Variants in INVS observed in about 807,000 individuals in gnomAD.
INVS encodes the protein inversion of embryo turning homolog.
A neutral mutation model predicts 108.8 loss-of-function variants in INVS; 86 were observed. The observed-to-expected ratio is 0.79, with a 90% confidence interval of 0.66 to 0.95. The LOEUF is 0.95. INVS is among the 40% of genes least tolerant of loss of function. The probability of loss-of-function intolerance (pLI) is 0.00; values close to 1 mark genes in which losing one functional copy is unlikely to be tolerated. For synonymous variants in INVS, 455 were observed against 473.5 expected (o/e 0.96, Z 0.51); for missense variants, 1,169 against 1,297.4 (o/e 0.90, Z 1.52).
chr9:100,124,675 G>A (rs556453304), intron 2 of INVS, among the ~76,000 whole-genome samples: 24 of 152,012 alleles, frequency 1.6e-4, no homozygotes, highest in Non-Finnish European at 2.5e-4. Context: ...GGTTGTTGGA[G>A]CACTTTTTTG....
At chr9:100,221,169 T>G (rs1831135878) in intron 3 of INVS, among the ~76,000 whole-genome samples, 2 of 152,132 alleles carry the variant, frequency 1.3e-5, no homozygotes, top group African/African-American at 4.8e-5. Flanking sequence ...CTTCAGAGGG[T>G]TGTCAAATTA....
intron 3 of INVS, chr9:100,175,329 G>T (rs982829868): frequency 4.1e-6 from 3 of 733,988 alleles, no homozygotes; most frequent in Non-Finnish European, 7.6e-6. Context: ...ACAGAGTCTG[G>T]ACAGCTCTAA....
intron 13 of INVS, among the ~76,000 whole-genome samples, chr9:100,291,842 TA>T (rs1833625804): frequency 1.3e-5 from 2 of 152,176 alleles, no homozygotes; most frequent in Non-Finnish European, 2.9e-5. Flanking sequence ...TTCCAAAAGG[TA>T]TATCCCTTCA....
chr9:100,273,129 G>C, intron 12 of INVS, 53 bp downstream of exon 12: 3 of 1,364,120 alleles, frequency 2.2e-6, no homozygotes, highest in Non-Finnish European at 3.1e-6. Flanking sequence ...CAGGGTGGAA[G>C]TGGGGGTGTG....
At position 100,212,745 on chromosome 9, in the gene INVS, C is replaced by T. The variant is rs138196149; in HGVS notation, c.274-13317C>T. ...CTATTGTGGGTTGCTGTAATAACCCCCTTACTGCTCTGCTTGCCTAAAGAT... is the reference window on the plus strand; with the variant it reads ...CTATTGTGGGTTGCTGTAATAACCCTCTTACTGCTCTGCTTGCCTAAAGAT... On this transcript the variant is annotated intron_variant, in intron 3 of 16. Transcript: ENST00000262457. Among the ~76,000 whole-genome samples, 958 of 152,208 alleles carry T rather than the reference C, an allele frequency of 6.3e-3. 9 individuals are homozygous for T. The highest frequency in any genetic ancestry group is 0.022 in the African/African-American group (897 of 41,528).
intron 2 of INVS, among the ~76,000 whole-genome samples, chr9:100,119,398 AAAC>A (rs1827653649): frequency 6.6e-6 from 1 of 152,248 alleles, no homozygotes; most frequent in Non-Finnish European, 1.5e-5. Context: ...CTTAGCTTAC[AAAC>A]AACAAACATT....
chr9:100,191,658 C>A lies in INVS; in HGVS notation c.274-34404C>A, dbSNP rs780762806. Among the ~76,000 whole-genome samples, 6 of 152,018 alleles carry A rather than the reference C, an allele frequency of 3.9e-5. No individual in the cohort carries two copies. In the East Asian group the frequency reaches 5.8e-4, roughly 15 times the overall value. The stretch of plus-strand genomic sequence containing the variant: ...CTCCTTGAGTAGCTTAACAATCAAC[C>A]TTTTGGGTTCTTTATCTGGTATTTC... On this transcript the variant is annotated intron_variant, in intron 3 of 16. Transcript: ENST00000262457.
At chr9:100,267,019 T>TAAAAAAAA (rs11415703) in intron 11 of INVS, among the ~76,000 whole-genome samples, 5 of 93,132 alleles carry the variant, frequency 5.4e-5, no homozygotes, top group East Asian at 3.7e-4. Context: ...TTTGAAACTC[T>TAAAAAAAA]AAAAAAAAAA....
intron 3 of INVS, among the ~76,000 whole-genome samples, chr9:100,177,584 T>C (rs1829757863): frequency 1.3e-5 from 2 of 152,114 alleles, no homozygotes; most frequent in African/African-American, 4.8e-5. Flanking sequence ...AGATTCCTCC[T>C]CTCTTGGCAG....
intron 5 of INVS, among the ~76,000 whole-genome samples, chr9:100,235,242 T>A (rs1320643708): frequency 1.3e-5 from 2 of 152,174 alleles, no homozygotes; most frequent in African/African-American, 2.4e-5. Context: ...CATCCGTTTA[T>A]TTTGAGCCTG....
At chr9:100,146,262 G>A (rs1478467227) in intron 3 of INVS, among the ~76,000 whole-genome samples, 3 of 151,274 alleles carry the variant, frequency 2.0e-5, no homozygotes, top group African/African-American at 7.4e-5. Flanking sequence ...ATTTGGGTAG[G>A]TAAAGGAAAA....
intron 5 of INVS, among the ~76,000 whole-genome samples, chr9:100,239,129 T>C (rs1831785298): frequency 1.3e-5 from 2 of 152,226 alleles, no homozygotes; most frequent in African/African-American, 4.8e-5. Flanking sequence ...GTTCCCCTTC[T>C]AGCTGTCTAG....
intron 3 of INVS, among the ~76,000 whole-genome samples, chr9:100,187,543 T>TC (rs1383799771): frequency 6.7e-6 from 1 of 148,708 alleles, no homozygotes; most frequent in African/African-American, 2.5e-5. Context: ...TTTTTTTTTT[T>TC]TGAGACAAAG....
chr9:100,179,183 C>T (rs1364791335), intron 3 of INVS, among the ~76,000 whole-genome samples: 2 of 152,146 alleles, frequency 1.3e-5, no homozygotes, highest in African/African-American at 4.8e-5. Flanking sequence ...ACTGCAAAAA[C>T]ATACCAAATT....
In INVS at chr9:100,246,492, T is replaced by C. The variant is rs867936626; in HGVS notation, c.907-124T>C. On this transcript the variant is annotated intron_variant, in intron 7 of 16. Coordinates refer to ENST00000262457, the MANE Select transcript of INVS (RefSeq NM_014425.5). ...GTCATTAATAAAAAGATAATTTAAT[T>C]TGATTCAAAAGCAAGGGGAAAATGC... is the stretch of plus-strand genomic sequence containing the variant. The C allele has an allele frequency of 1.0e-4, 71 of 680,062 alleles. 1 individual carries two copies. The Middle Eastern group carries it at 1.2e-3, about 12-fold the overall frequency. 42.1% of individuals were successfully genotyped at this position (680,062 alleles called of 1,614,324 possible).
intron 2 of INVS, among the ~76,000 whole-genome samples, chr9:100,125,096 A>G (rs1406870622): frequency 6.6e-6 from 1 of 152,202 alleles, no homozygotes; most frequent in Non-Finnish European, 1.5e-5. Flanking sequence ...GGGCTGCTCA[A>G]AAGTGTCCTG....
At chr9:100,201,197 G>A (rs1256780263) in intron 3 of INVS, among the ~76,000 whole-genome samples, 1 of 152,230 alleles carries the variant, frequency 6.6e-6, no homozygotes, top group Non-Finnish European at 1.5e-5. Flanking sequence ...GCAGGTCCAC[G>A]TAGATGCTGC....
chr9:100,235,042 GT>G lies in INVS; in HGVS notation c.616-5017del, dbSNP rs1166048308. 3.3e-5 allele frequency among the ~76,000 whole-genome samples: 5 copies of G among 152,250 alleles called. No homozygotes were observed. The East Asian group carries it at 9.6e-4, about 29-fold the overall frequency. On this transcript the variant is annotated intron_variant, in intron 5 of 16. Coordinates refer to ENST00000262457, the MANE Select transcript of INVS (RefSeq NM_014425.5). ...CAAAGAACTTGCTTTATGAATCTGG[GT>G]GCTCCTGTATTGGGTGCATATATAT...
intron 3 of INVS, among the ~76,000 whole-genome samples, chr9:100,197,885 C>T (rs79169178): frequency 0.026 from 3,969 of 152,132 alleles, 74 homozygotes; most frequent in Non-Finnish European, 0.038. Flanking sequence ...TTTCTAAGGG[C>T]CTGCCTTGGG....
Sources: allele counts gnomAD v4.1 joint callset (sites outside exome capture counted in the v4.1 genomes callset), GRCh38; gene constraint gnomAD v4.1.1; transcripts MANE v1.5; gene names NCBI Gene and HGNC (gene_info 2026-07-23, HGNC 2026-07-21).